IPO11: variants seen among roughly 807,000 people sequenced by gnomAD.
IPO11 encodes importin 11.
A neutral mutation model predicts 143.2 loss-of-function variants in IPO11; 66 were observed. That is an observed-to-expected ratio of 0.46 (90% CI 0.38 to 0.57). The LOEUF (loss-of-function observed/expected upper bound fraction) is 0.57, where lower values mean the gene tolerates loss of function less well. IPO11 is among the 20% of genes least tolerant of loss of function. IPO11 has a pLI of 0.00. For synonymous variants in IPO11, 385 were observed against 377.8 expected (o/e 1.02, Z -0.22); for missense variants, 1,026 against 1,141.0 (o/e 0.90, Z 1.45).
chr5:62,525,842 A>G (rs1359289606), intron 20 of IPO11, among the ~76,000 whole-genome samples: 1 of 152,212 alleles, frequency 6.6e-6, no homozygotes, highest in Non-Finnish European at 1.5e-5. Context: ...TCATCTGTAG[A>G]GACAGGGAGA....
chr5:62,580,888 G>C, intron 27 of IPO11: 1 of 1,551,320 alleles, frequency 6.4e-7, no homozygotes, highest in Non-Finnish European at 8.7e-7. Flanking sequence ...AGTGTTACCT[G>C]TGCAAATACA....
intron 29 of IPO11, among the ~76,000 whole-genome samples, chr5:62,622,493 A>G (rs1171407270): frequency 6.6e-6 from 1 of 152,192 alleles, no homozygotes; most frequent in Non-Finnish European, 1.5e-5. Context: ...AGTTTAGTAA[A>G]TGTGGATATT....
intron 1 of IPO11, among the ~76,000 whole-genome samples, chr5:62,431,717 G>A (rs547384340): frequency 1.6e-4 from 24 of 152,178 alleles, no homozygotes; most frequent in African/African-American, 5.1e-4. Context: ...TGAGGTAGGC[G>A]AATTACTTGA....
intron 26 of IPO11, among the ~76,000 whole-genome samples, chr5:62,556,796 T>C: frequency 6.6e-6 from 1 of 152,228 alleles, no homozygotes; most frequent in Admixed American, 6.5e-5. Context: ...CATTGTCCTT[T>C]ACCTGCAATT....
chr5:62,433,379 A>G (rs1270946532), intron 1 of IPO11, among the ~76,000 whole-genome samples: 1 of 152,102 alleles, frequency 6.6e-6, no homozygotes, highest in African/African-American at 2.4e-5. Flanking sequence ...TCTTTTAAGG[A>G]GAATTTTTGT....
rs183924197 is a variant in IPO11 at position 62,520,176 on chromosome 5, G to A, written c.1896+4675G>A. On this transcript the variant is annotated intron_variant, in intron 20 of 29. Transcript: ENST00000325324. Reference sequence around the variant, plus strand: ...AATTACATCTGTAAATTATTTCTTCGCAGTAGTACCTAGATTAGTGGTTGA... The same window carrying A: ...AATTACATCTGTAAATTATTTCTTCACAGTAGTACCTAGATTAGTGGTTGA... Among the ~76,000 whole-genome samples, 452 of 152,246 alleles carry A rather than the reference G, an allele frequency of 3.0e-3. 3 individuals carry two copies. The highest frequency in any genetic ancestry group is 0.011 in the African/African-American group (446 of 41,544).
At chr5:62,469,128 A>G (rs1488786952) in intron 6 of IPO11, among the ~76,000 whole-genome samples, 2 of 152,216 alleles carry the variant, frequency 1.3e-5, no homozygotes, top group African/African-American at 4.8e-5. Context: ...ATCTTAAAGG[A>G]TAAGTGGAAG....
At chr5:62,458,027 G>T (rs913556984) in intron 5 of IPO11, among the ~76,000 whole-genome samples, 1 of 151,152 alleles carries the variant, frequency 6.6e-6, no homozygotes, top group Non-Finnish European at 1.5e-5. Flanking sequence ...GGCGCCTGTA[G>T]TCCCAGCTAC....
Position 62,535,025 on chromosome 5 carries a change from T to TTATTTATG in IPO11, c.2090-1670_2090-1669insGTATTTAT, listed in dbSNP as rs796281297. Among the ~76,000 whole-genome samples, 62 of 143,408 alleles carry TTATTTATG rather than the reference T, an allele frequency of 4.3e-4. No individual in the cohort carries two copies. In the East Asian group the frequency reaches 0.01, roughly 24 times the overall value. 94.1% of individuals were successfully genotyped at this position (143,408 alleles called of 152,430 possible). A position where few individuals can be genotyped will look rare whatever the true frequency, so the allele number is the denominator to read the frequency against. ...GGCTATGTATAATATTAATATTTAT[T>TTATTTATG]TATTTATTTATTTATTTATTTATTT... On this transcript the variant is annotated intron_variant, in intron 22 of 29. Transcript: ENST00000325324.
intron 9 of IPO11, among the ~76,000 whole-genome samples, chr5:62,479,372 A>G (rs1187602227): frequency 1.3e-5 from 2 of 152,190 alleles, no homozygotes; most frequent in Admixed American, 1.3e-4. Flanking sequence ...AGTCTTTGCT[A>G]TTGTGAATAG....
intron 22 of IPO11, among the ~76,000 whole-genome samples, chr5:62,536,048 C>T (rs1401425200): frequency 1.3e-5 from 2 of 152,084 alleles, no homozygotes; most frequent in South Asian, 4.1e-4. Flanking sequence ...TAGCTAAAAA[C>T]GATATCCTTT....
intron 15 of IPO11, among the ~76,000 whole-genome samples, chr5:62,490,959 T>C (rs1746590591): frequency 6.6e-6 from 1 of 152,150 alleles, no homozygotes; most frequent in Admixed American, 6.6e-5. Flanking sequence ...TAAGCACTTG[T>C]CTACTTAAAT....
At chr5:62,585,846 G>A (rs1384750402) in intron 27 of IPO11, among the ~76,000 whole-genome samples, 1 of 152,180 alleles carries the variant, frequency 6.6e-6, no homozygotes, top group African/African-American at 2.4e-5. Flanking sequence ...GACAGAATTT[G>A]TTGATGAATT....
At chr5:62,586,230 CAT>C (rs1335824029) in intron 27 of IPO11, among the ~76,000 whole-genome samples, 3 of 152,156 alleles carry the variant, frequency 2.0e-5, no homozygotes, top group African/African-American at 7.2e-5. Context: ...TTTAATTACA[CAT>C]ATGTATTTTT....
At chr5:62,620,604 T>C (rs1236168747) in intron 29 of IPO11, among the ~76,000 whole-genome samples, 3 of 152,078 alleles carry the variant, frequency 2.0e-5, no homozygotes, top group Non-Finnish European at 2.9e-5. Context: ...ATTGGTAGAT[T>C]TAAATTTTTC....
intron 15 of IPO11, among the ~76,000 whole-genome samples, chr5:62,492,019 CA>C (rs1194649990): frequency 1.3e-5 from 2 of 152,198 alleles, no homozygotes; most frequent in Non-Finnish European, 2.9e-5. Flanking sequence ...TTCTAATGGA[CA>C]AAGCTGATGT....
chr5:62,544,694 A>G (rs2112337053), intron 24 of IPO11, among the ~76,000 whole-genome samples: 1 of 152,336 alleles, frequency 6.6e-6, no homozygotes, highest in South Asian at 2.1e-4. Flanking sequence ...TTGTATATTT[A>G]GAAAACCCCA....
chr5:62,434,586 C>T (rs974525098), intron 1 of IPO11, among the ~76,000 whole-genome samples: 1 of 151,982 alleles, frequency 6.6e-6, no homozygotes, highest in Non-Finnish European at 1.5e-5. Flanking sequence ...CAGGTGTGAG[C>T]CACCACACCT....
At chr5:62,498,847 G>A (rs969102054) in intron 16 of IPO11, among the ~76,000 whole-genome samples, 1 of 152,208 alleles carries the variant, frequency 6.6e-6, no homozygotes, top group African/African-American at 2.4e-5. Flanking sequence ...TCCAGCCTGA[G>A]CAACAGAGCA....
Sources: gnomAD v4.1 joint callset for allele counts (sites outside exome capture counted in the v4.1 genomes callset) on GRCh38, gnomAD v4.1.1 for gene constraint, MANE v1.5 for transcripts, NCBI Gene and HGNC (gene_info 2026-07-23, HGNC 2026-07-21) for gene names.